ANKS1B: variants seen among roughly 807,000 people sequenced by gnomAD.
The protein encoded by ANKS1B is ankyrin repeat and sterile alpha motif domain-containing protein 1B.
In ANKS1B, 36 loss-of-function variants were observed where a neutral mutation model predicts 148.3. The observed-to-expected ratio is 0.24, with a 90% CI of 0.19 to 0.32. The LOEUF is 0.32. Among genes scored for constraint, ANKS1B ranks in the 10% least tolerant of loss-of-function variants. ANKS1B has a pLI of 1.00. For missense variants in ANKS1B, 1,157 were observed against 1,542.6 expected (o/e 0.75, Z 4.19); for synonymous variants, 542 against 560.8 (o/e 0.97, Z 0.47).
At chr12:99,442,743 A>T (rs1444382717) in intron 11 of ANKS1B, among the ~76,000 whole-genome samples, 1 of 151,986 alleles carries the variant, frequency 6.6e-6, no homozygotes, top group Non-Finnish European at 1.5e-5. Context: ...TATGTTAAAC[A>T]AGGAAAAATA....
At chr12:99,163,613 A>G (rs1189381013) in intron 14 of ANKS1B, among the ~76,000 whole-genome samples, 1 of 152,054 alleles carries the variant, frequency 6.6e-6, no homozygotes, top group Non-Finnish European at 1.5e-5. Flanking sequence ...TTTTATGGCC[A>G]TAGCCTTCTT....
chr12:99,001,719 C>T lies in ANKS1B; in HGVS notation c.2778+51438G>A, dbSNP rs941433888. Among the ~76,000 whole-genome samples, 9 of 152,190 alleles carry T rather than the reference C, an allele frequency of 5.9e-5. 1 individual carries two copies. Among genetic ancestry groups the T allele is most frequent in the Non-Finnish European group, 5.9e-5 (4 of 68,006 alleles). On this transcript the variant is annotated intron_variant, in intron 17 of 26. Coordinates refer to ENST00000683438, the MANE Select transcript of ANKS1B (RefSeq NM_001352186.2). Reference sequence around the variant, plus strand: ...AAGCATGCAGTATGGTATTATTAACCGTAATTATCATGCTGTACTAATATT... The same window carrying T: ...AAGCATGCAGTATGGTATTATTAACTGTAATTATCATGCTGTACTAATATT...
intron 25 of ANKS1B, among the ~76,000 whole-genome samples, chr12:98,767,179 A>C (rs1005401992): frequency 6.6e-6 from 1 of 152,164 alleles, no homozygotes; most frequent in Non-Finnish European, 1.5e-5. Context: ...TAGCAGAGCC[A>C]AAGTTGGAAG....
At chr12:99,652,047 T>C (rs1157111816) in intron 9 of ANKS1B, among the ~76,000 whole-genome samples, 1 of 149,282 alleles carries the variant, frequency 6.7e-6, no homozygotes, top group East Asian at 1.9e-4. Context: ...AAACATGTTA[T>C]ATATACATAA....
intron 13 of ANKS1B, among the ~76,000 whole-genome samples, chr12:99,245,564 C>T (rs1379815777): frequency 6.6e-6 from 1 of 152,196 alleles, no homozygotes; most frequent in Non-Finnish European, 1.5e-5. Context: ...ATATCACTAT[C>T]AGACCATATC....
At chr12:99,877,771 G>A (rs989975311) in intron 1 of ANKS1B, among the ~76,000 whole-genome samples, 2 of 152,082 alleles carry the variant, frequency 1.3e-5, no homozygotes, top group African/African-American at 4.8e-5. Flanking sequence ...AGCCAAATAG[G>A]GAACCTGACC....
At chr12:99,329,648 A>G (rs2087123533) in intron 12 of ANKS1B, among the ~76,000 whole-genome samples, 1 of 151,810 alleles carries the variant, frequency 6.6e-6, no homozygotes, top group Non-Finnish European at 1.5e-5. Context: ...AAAAAGACAA[A>G]CTTAGCTACT....
chr12:99,894,701 C>T (rs2153751024), intron 1 of ANKS1B, among the ~76,000 whole-genome samples: 1 of 149,582 alleles, frequency 6.7e-6, no homozygotes, highest in Admixed American at 6.7e-5. Context: ...ATAAAATAGT[C>T]TTTGTGTTAG....
At position 98,744,852 on chromosome 12, in the gene ANKS1B, G is replaced by GC. The variant is rs2097848059; in HGVS notation, c.*886dup. The GC allele has an allele frequency of 1.0e-6, 1 of 984,808 alleles. No individual in the cohort carries two copies. The highest frequency in any genetic ancestry group is 4.7e-5 in the South Asian group (1 of 21,262). The allele number at this position is 984,808 out of a possible 1,614,324, so 61.0% of individuals were successfully genotyped here. A position where few individuals can be genotyped will look rare whatever the true frequency, so the allele number is the denominator to read the frequency against. ...CTGTGAAGATTAAAAAACAATCTTGGCAGGCTGATGGCTGCGTCAGCACTT... is the reference window on the plus strand; with the variant it reads ...CTGTGAAGATTAAAAAACAATCTTGGCCAGGCTGATGGCTGCGTCAGCACTT... On this transcript the variant is annotated 3_prime_UTR_variant, in exon 27 of 27. Transcript: ENST00000683438.
rs1461626227 is a variant in ANKS1B at position 99,588,216 on chromosome 12, AAC to A, written c.1272+66849_1272+66850del. 7.0e-4 allele frequency among the ~76,000 whole-genome samples: 107 copies of A among 152,146 alleles called. 3 individuals carry two copies. The highest frequency in any genetic ancestry group is 2.2e-4 in the Non-Finnish European group (15 of 68,016). On this transcript the variant is annotated intron_variant, in intron 9 of 26. Transcript: ENST00000683438. ...GTGCACATAAAAATGCTTTGAGCTA[AAC>A]ACTCTTAGAATTAATAAACTGTCTG...
At chr12:98,810,644 A>G (rs1039603164) in intron 19 of ANKS1B, among the ~76,000 whole-genome samples, 5 of 152,198 alleles carry the variant, frequency 3.3e-5, no homozygotes, top group African/African-American at 1.2e-4. Context: ...AGTTCATGAG[A>G]CAGTCTTAAC....
chr12:99,732,984 T>C (rs377759334), intron 8 of ANKS1B, among the ~76,000 whole-genome samples: 6 of 151,666 alleles, frequency 4.0e-5, no homozygotes, highest in East Asian at 3.9e-4. Context: ...ATAATTATCA[T>C]ACTATTTCAC....
At chr12:98,813,382 T>G (rs1025003428) in intron 19 of ANKS1B, among the ~76,000 whole-genome samples, 3 of 151,462 alleles carry the variant, frequency 2.0e-5, no homozygotes, top group Admixed American at 6.6e-5. Context: ...TATTTTTTTT[T>G]TTTTTTTCTA....
chr12:99,267,799 T>C (rs890177401), intron 12 of ANKS1B, among the ~76,000 whole-genome samples: 1 of 152,142 alleles, frequency 6.6e-6, no homozygotes, highest in African/African-American at 2.4e-5. Flanking sequence ...AGGTAGGACT[T>C]AGATATGCAG....
intron 17 of ANKS1B, among the ~76,000 whole-genome samples, chr12:99,015,453 T>A (rs559915549): frequency 1.3e-5 from 2 of 152,302 alleles, no homozygotes; most frequent in South Asian, 2.1e-4. Context: ...ATCTGTATGA[T>A]AACCCCCATG....
chr12:99,473,579 T>C (rs116775714), intron 10 of ANKS1B, among the ~76,000 whole-genome samples: 235 of 152,176 alleles, frequency 1.5e-3, no homozygotes, highest in African/African-American at 5.1e-3. Context: ...TTTTTCTATA[T>C]CCTTTACAAT....
intron 11 of ANKS1B, among the ~76,000 whole-genome samples, chr12:99,440,220 T>C (rs2095527467): frequency 6.6e-6 from 1 of 151,818 alleles, no homozygotes; most frequent in Non-Finnish European, 1.5e-5. Flanking sequence ...TTTTGAGTGG[T>C]GTTATACCTA....
In ANKS1B at chr12:98,807,921, G is replaced by A; in HGVS notation, c.3067-3C>T. On this transcript the variant is annotated splice_polypyrimidine_tract_variant and splice_region_variant and intron_variant, in intron 19 of 26. Transcript: ENST00000683438. ...CATATTTCACAGACAGACGACTGCT[G>A]ATATAAACAGAAAACTATCTTATCT... 2 of 1,610,850 alleles carry A rather than the reference G, an allele frequency of 1.2e-6. No homozygotes were observed. The highest frequency in any genetic ancestry group is 2.2e-5 in the East Asian group (1 of 44,758).
At chr12:99,628,953 A>G (rs947041105) in intron 9 of ANKS1B, among the ~76,000 whole-genome samples, 1 of 152,216 alleles carries the variant, frequency 6.6e-6, no homozygotes, top group Non-Finnish European at 1.5e-5. Flanking sequence ...GGATCTTATT[A>G]TCAGTATTAG....
Sources: allele counts gnomAD v4.1 joint callset (sites outside exome capture counted in the v4.1 genomes callset), GRCh38; gene constraint gnomAD v4.1.1; transcripts MANE v1.5; gene names NCBI Gene and HGNC (gene_info 2026-07-23, HGNC 2026-07-21).